Variants in COL4A2 observed in about 807,000 individuals in gnomAD.
COL4A2 encodes collagen type IV alpha 2 chain, also known as collagen alpha-2(IV) chain.
Under a neutral mutation model 200.2 loss-of-function variants are expected in COL4A2, and 99 were observed. The ratio of observed to expected loss-of-function variants is 0.49; its 90% CI spans 0.42 to 0.58. The LOEUF (loss-of-function observed/expected upper bound fraction) is 0.58, where lower values mean the gene tolerates loss of function less well. Ranked by LOEUF, COL4A2 falls within the 20% of genes least tolerant of loss-of-function variation. The pLI, the probability that COL4A2 is intolerant of heterozygous loss-of-function variation, is 0.00. For synonymous variants in COL4A2, 897 were observed against 900.6 expected (o/e 1.00, Z 0.07); for missense variants, 1,950 against 2,314.1 (o/e 0.84, Z 3.23).
Position 110,339,924 on chromosome 13 carries a change from C to G in COL4A2, c.100-17548C>G, listed in dbSNP as rs1876372732. Among the ~76,000 whole-genome samples the G allele has an allele frequency of 1.3e-5, 2 of 152,200 alleles. 1 individual carries two copies. The highest frequency in any genetic ancestry group is 4.1e-4 in the South Asian group (2 of 4,824). On this transcript the variant is annotated intron_variant, in intron 3 of 47. Coordinates refer to ENST00000360467, the MANE Select transcript of COL4A2 (RefSeq NM_001846.4). ...AACTCATAATGTATCCTGTAACTAACCCAGTATAGAACAGTAACACTGTTT... is the reference window on the plus strand; with the variant it reads ...AACTCATAATGTATCCTGTAACTAAGCCAGTATAGAACAGTAACACTGTTT...
intron 27 of COL4A2, among the ~76,000 whole-genome samples, chr13:110,468,541 C>G (rs996146157): frequency 6.6e-6 from 1 of 152,160 alleles, no homozygotes; most frequent in Admixed American, 6.5e-5. Context: ...CCAGTTATTT[C>G]CATTTCATGC....
chr13:110,436,032 A>G (rs1880856746), intron 12 of COL4A2: 1 of 643,592 alleles, frequency 1.6e-6, no homozygotes, highest in Non-Finnish European at 2.7e-6. Flanking sequence ...CCAGAATTGT[A>G]AACAACCTAC....
intron 3 of COL4A2, among the ~76,000 whole-genome samples, chr13:110,328,785 T>A (rs1652742626): frequency 6.6e-6 from 1 of 152,148 alleles, no homozygotes; most frequent in East Asian, 1.9e-4. Flanking sequence ...AGATCTGAGA[T>A]CCTAGCGGAT....
intron 45 of COL4A2, among the ~76,000 whole-genome samples, chr13:110,505,099 C>T (rs781465587): frequency 5.3e-5 from 8 of 151,756 alleles, no homozygotes; most frequent in Non-Finnish European, 7.4e-5. Flanking sequence ...GCCTGTAATC[C>T]CAGCACTTTG....
intron 34 of COL4A2, among the ~76,000 whole-genome samples, chr13:110,486,678 G>A (rs544006427): frequency 2.4e-4 from 37 of 152,246 alleles, no homozygotes; most frequent in Non-Finnish European, 4.6e-4. Context: ...GTGCAGGCAG[G>A]CTGAGTCTGA....
chr13:110,400,777 G>T (rs997386431), intron 4 of COL4A2, among the ~76,000 whole-genome samples: 1 of 152,168 alleles, frequency 6.6e-6, no homozygotes. Context: ...TTCCTATAGA[G>T]ATTTCCTGCC....
At chr13:110,507,548 T>G in intron 46 of COL4A2, 1 of 255,632 alleles carries the variant, frequency 3.9e-6, no homozygotes, top group Non-Finnish European at 7.6e-6. Context: ...CCAGGACTCC[T>G]TCTGGGGTGG....
intron 27 of COL4A2, 152 bp downstream of exon 27, chr13:110,467,248 A>G: frequency 1.0e-6 from 1 of 981,544 alleles, no homozygotes; most frequent in Non-Finnish European, 1.5e-6. Context: ...TCTTGCGCCT[A>G]CAGGGAGCCC....
chr13:110,437,368 A>G (rs560009763), intron 13 of COL4A2, among the ~76,000 whole-genome samples: 80 of 152,048 alleles, frequency 5.3e-4, no homozygotes, highest in African/African-American at 1.9e-3. Context: ...CTTTTCTACA[A>G]CCCAGGCCAG....
intron 4 of COL4A2, among the ~76,000 whole-genome samples, chr13:110,408,417 T>G (rs4773177): frequency 6.6e-6 from 1 of 152,110 alleles, no homozygotes; most frequent in African/African-American, 2.4e-5. Context: ...CCATGCTTCC[T>G]GAAAAGAGAA....
At chr13:110,325,782 G>C (rs767331568) in intron 3 of COL4A2, among the ~76,000 whole-genome samples, 10 of 151,778 alleles carry the variant, frequency 6.6e-5, no homozygotes, top group Non-Finnish European at 1.5e-4. Context: ...TCCTGTTCCT[G>C]AATTTCTTTT....
intron 4 of COL4A2, among the ~76,000 whole-genome samples, chr13:110,368,848 AGGGGG>A (rs71775039): frequency 1.6e-5 from 2 of 126,850 alleles, no homozygotes; most frequent in Middle Eastern, 3.8e-3. Context: ...GCCAAAGAAA[AGGGGG>A]GGGGGGGGTT....
At chr13:110,401,317 C>T (rs566316575) in intron 4 of COL4A2, among the ~76,000 whole-genome samples, 1 of 152,220 alleles carries the variant, frequency 6.6e-6, no homozygotes, top group South Asian at 2.1e-4. Flanking sequence ...CATTTTAGTA[C>T]CATCTGTATC....
intron 47 of COL4A2, among the ~76,000 whole-genome samples, chr13:110,510,446 C>T (rs1458602585): frequency 1.3e-5 from 2 of 152,232 alleles, no homozygotes; most frequent in African/African-American, 2.4e-5. Flanking sequence ...CTCACAGCCC[C>T]TTCTCCAGGT....
intron 3 of COL4A2, among the ~76,000 whole-genome samples, chr13:110,347,887 C>T (rs148368169): frequency 4.9e-4 from 75 of 152,322 alleles, no homozygotes; most frequent in Non-Finnish European, 8.8e-4. Context: ...GGCTTGTTGC[C>T]GATGACTCAG....
chr13:110,493,053 GT>G (rs1432064593), intron 38 of COL4A2, among the ~76,000 whole-genome samples, 157 bp from the exon 39 acceptor site: 7 of 47,550 alleles, frequency 1.5e-4, no homozygotes, highest in African/African-American at 4.4e-4. Flanking sequence ...ACCCCCACAG[GT>G]GAAATAACGA....
intron 25 of COL4A2, 106 bp downstream of exon 25, chr13:110,465,712 G>C: frequency 9.1e-7 from 1 of 1,100,930 alleles, no homozygotes. Context: ...ATGCTGTTTT[G>C]CCTCATCTGT....
intron 45 of COL4A2, among the ~76,000 whole-genome samples, chr13:110,506,136 T>G (rs532548970): frequency 6.6e-6 from 1 of 152,164 alleles, no homozygotes; most frequent in East Asian, 1.9e-4. Flanking sequence ...GGGGCTGCTC[T>G]CTCTCTCTTT....
At chr13:110,349,161 T>C (rs1161794768) in intron 3 of COL4A2, among the ~76,000 whole-genome samples, 3 of 151,984 alleles carry the variant, frequency 2.0e-5, no homozygotes, top group African/African-American at 7.3e-5. Flanking sequence ...TCTCAAAGAG[T>C]TTAAATTGTT....
Sources: allele counts gnomAD v4.1 joint callset (sites outside exome capture counted in the v4.1 genomes callset), GRCh38; gene constraint gnomAD v4.1.1; transcripts MANE v1.5; gene names NCBI Gene and HGNC (gene_info 2026-07-23, HGNC 2026-07-21).